CCSER1: variants seen among roughly 807,000 people sequenced by gnomAD.
CCSER1 encodes coiled-coil serine rich protein 1, also known as serine-rich coiled-coil domain-containing protein 1.
CCSER1 carries 41 observed loss-of-function variants against 82.0 expected under a neutral mutation model. The ratio of observed to expected loss-of-function variants is 0.50; its 90% CI spans 0.39 to 0.65. CCSER1 has a LOEUF of 0.65. Ranked by LOEUF, CCSER1 falls within the 30% of genes least tolerant of loss-of-function variation. The probability of loss-of-function intolerance (pLI) is 0.00; values close to 1 mark genes in which losing one functional copy is unlikely to be tolerated. For synonymous variants in CCSER1, 414 were observed against 383.9 expected, an observed-to-expected ratio of 1.08 and a Z score of -0.92; for missense variants, 1,119 against 1,064.2, an observed-to-expected ratio of 1.05 and a Z score of -0.72.
At chr4:91,460,753 T>G (rs1489580435) in intron 10 of CCSER1, among the ~76,000 whole-genome samples, 1 of 152,130 alleles carries the variant, frequency 6.6e-6, no homozygotes, top group Non-Finnish European at 1.5e-5. Context: ...TTATTGTGAG[T>G]GGCCTTACAC....
intron 1 of CCSER1, among the ~76,000 whole-genome samples, chr4:90,138,125 G>T (rs1372492304): frequency 6.6e-6 from 1 of 152,148 alleles, no homozygotes; most frequent in Non-Finnish European, 1.5e-5. Context: ...GAGGTGTAAA[G>T]ATACTCAGTA....
At chr4:90,885,609 T>C (rs1311679913) in intron 8 of CCSER1, among the ~76,000 whole-genome samples, 2 of 152,132 alleles carry the variant, frequency 1.3e-5, no homozygotes, top group African/African-American at 4.8e-5. Flanking sequence ...AGCCATAAGG[T>C]CATTATTTGG....
intron 3 of CCSER1, among the ~76,000 whole-genome samples, chr4:90,329,417 A>G (rs753196108): frequency 1.3e-5 from 2 of 152,190 alleles, no homozygotes; most frequent in Non-Finnish European, 2.9e-5. Context: ...TGTCAAAACT[A>G]GAAACATTGA....
intron 5 of CCSER1, among the ~76,000 whole-genome samples, chr4:90,527,270 A>T (rs1773892543): frequency 6.6e-6 from 1 of 152,350 alleles, no homozygotes; most frequent in East Asian, 1.9e-4. Flanking sequence ...CAACCCCATC[A>T]AAAAATGGGC....
At chr4:91,501,707 T>C (rs1179207621) in intron 10 of CCSER1, among the ~76,000 whole-genome samples, 1 of 152,240 alleles carries the variant, frequency 6.6e-6, no homozygotes, top group African/African-American at 2.4e-5. Flanking sequence ...TATTTTTACC[T>C]TTTATCTTTC....
intron 7 of CCSER1, chr4:90,781,394 C>T: frequency 1.0e-6 from 1 of 985,448 alleles, no homozygotes; most frequent in Non-Finnish European, 1.2e-6. Context: ...CTTTGAGCCC[C>T]TGTCCCATAA....
intron 10 of CCSER1, among the ~76,000 whole-genome samples, chr4:91,277,168 G>A (rs1399516215): frequency 6.6e-6 from 1 of 152,054 alleles, no homozygotes; most frequent in East Asian, 1.9e-4. Context: ...CTCATAGAAT[G>A]AGTTAGCAAG....
At chr4:90,922,313 AG>A (rs1267249753) in intron 8 of CCSER1, among the ~76,000 whole-genome samples, 1 of 151,958 alleles carries the variant, frequency 6.6e-6, no homozygotes, top group Non-Finnish European at 1.5e-5. Context: ...AGAAGAGGGA[AG>A]GGGAAGGAAC....
intron 3 of CCSER1, among the ~76,000 whole-genome samples, chr4:90,332,170 G>C (rs138028362): frequency 4.9e-4 from 74 of 151,940 alleles, no homozygotes; most frequent in South Asian, 1.2e-3. Flanking sequence ...TTACTTTCAT[G>C]CTTTATAGAA....
chr4:90,851,653 T>A (rs564064260), intron 8 of CCSER1, among the ~76,000 whole-genome samples: 88 of 150,948 alleles, frequency 5.8e-4, no homozygotes, highest in Middle Eastern at 6.9e-3. Context: ...AAAGAAGAGG[T>A]GTACAGAATG....
chr4:91,479,799 A>T (rs1757795856), intron 10 of CCSER1, among the ~76,000 whole-genome samples: 1 of 143,594 alleles, frequency 7.0e-6, no homozygotes, highest in Non-Finnish European at 1.5e-5. Flanking sequence ...TGTGCAGGTT[A>T]GTTACATATG....
chr4:91,183,346 G>A (rs1049459717), intron 10 of CCSER1, among the ~76,000 whole-genome samples: 1 of 152,180 alleles, frequency 6.6e-6, no homozygotes, highest in African/African-American at 2.4e-5. Context: ...TTTTGAGCCA[G>A]AATAAGAAGC....
chr4:90,210,450 C>CT (rs11438395), intron 1 of CCSER1, among the ~76,000 whole-genome samples: 76,066 of 141,146 alleles, frequency 0.54, 20,657 homozygotes, highest in African/African-American at 0.65. Flanking sequence ...CTTTTCTTTT[C>CT]TTTTTTTTTT....
At chr4:90,969,810 A>G (rs1734917508) in intron 9 of CCSER1, among the ~76,000 whole-genome samples, 1 of 151,990 alleles carries the variant, frequency 6.6e-6, no homozygotes, top group Non-Finnish European at 1.5e-5. Context: ...TGTGTAAACT[A>G]CTTGTAATTC....
chr4:90,746,157 G>C (rs1747424470), intron 7 of CCSER1, among the ~76,000 whole-genome samples: 1 of 151,974 alleles, frequency 6.6e-6, no homozygotes, highest in Non-Finnish European at 1.5e-5. Flanking sequence ...AAATTATATT[G>C]TAATTATGTT....
intron 9 of CCSER1, among the ~76,000 whole-genome samples, chr4:91,067,169 GA>G (rs925973039): frequency 1.5e-4 from 21 of 138,184 alleles, no homozygotes; most frequent in South Asian, 4.6e-4. Context: ...GTCTCAAAAA[GA>G]AAAAAAAAAG....
At chr4:91,021,247 G>A (rs1047872489) in intron 9 of CCSER1, among the ~76,000 whole-genome samples, 1 of 151,950 alleles carries the variant, frequency 6.6e-6, no homozygotes, top group Non-Finnish European at 1.5e-5. Context: ...AGTATTAGAA[G>A]GAAAGGGAGA....
intron 1 of CCSER1, among the ~76,000 whole-genome samples, chr4:90,203,964 A>G (rs1446338451): frequency 6.6e-6 from 1 of 151,754 alleles, no homozygotes; most frequent in Non-Finnish European, 1.5e-5. Context: ...TTTTTTTCCT[A>G]TGTTTGTTGG....
intron 10 of CCSER1, among the ~76,000 whole-genome samples, chr4:91,337,088 T>C (rs1285546699): frequency 5.3e-5 from 8 of 152,266 alleles, no homozygotes. Context: ...GATGTTAGTT[T>C]ATCCAACAGC....
Sources: allele counts gnomAD v4.1 joint callset (sites outside exome capture counted in the v4.1 genomes callset), GRCh38; gene constraint gnomAD v4.1.1; transcripts MANE v1.5; gene names NCBI Gene and HGNC (gene_info 2026-07-23, HGNC 2026-07-21).